MGMT: variants seen among roughly 807,000 people sequenced by gnomAD.
MGMT encodes the protein O-6-methylguanine-DNA methyltransferase, also known as methylated-DNA--protein-cysteine methyltransferase.
Under a neutral mutation model 15.9 loss-of-function variants are expected in MGMT, and 14 were observed. The ratio of observed to expected loss-of-function variants is 0.88; its 90% CI spans 0.58 to 1.37. MGMT has a LOEUF of 1.37. MGMT is among the 40% of genes most tolerant of loss of function. The probability of loss-of-function intolerance (pLI) is 0.00; values close to 1 mark genes in which losing one functional copy is unlikely to be tolerated. For missense variants in MGMT, 282 were observed against 268.1 expected (o/e 1.05, Z -0.36); for synonymous variants, 130 against 118.2 (o/e 1.10, Z -0.65).
intron 1 of MGMT, among the ~76,000 whole-genome samples, chr10:129,488,040 C>CACACACACACACACACACAT (rs1196132625): frequency 6.7e-6 from 1 of 148,486 alleles, no homozygotes; most frequent in Non-Finnish European, 1.5e-5. Context: ...CACACACACA[C>CACACACACACACACACACAT]ATGAATATAC....
At chr10:129,493,867 C>T (rs1466642839) in intron 1 of MGMT, among the ~76,000 whole-genome samples, 3 of 152,214 alleles carry the variant, frequency 2.0e-5, no homozygotes, top group Non-Finnish European at 2.9e-5. Context: ...TTGTCTTATA[C>T]GCATAGACAT....
At chr10:129,708,616 A>G (rs559506302) in intron 3 of MGMT, among the ~76,000 whole-genome samples, 66 of 152,328 alleles carry the variant, frequency 4.3e-4, no homozygotes, top group African/African-American at 1.3e-3. Flanking sequence ...CATTTCCCAG[A>G]CATTTCTTTT....
At chr10:129,507,540 C>A (rs771613246) in intron 1 of MGMT, among the ~76,000 whole-genome samples, 2 of 152,118 alleles carry the variant, frequency 1.3e-5, no homozygotes, top group African/African-American at 4.8e-5. Flanking sequence ...GAATTGGGGA[C>A]AGGGGTGCCC....
chr10:129,640,789 T>C (rs1174001351), intron 2 of MGMT, among the ~76,000 whole-genome samples: 1 of 152,226 alleles, frequency 6.6e-6, no homozygotes, highest in East Asian at 1.9e-4. Context: ...GTTTATCTTA[T>C]GAATGTAAGA....
chr10:129,635,938 G>A (rs1847260161), intron 2 of MGMT, among the ~76,000 whole-genome samples: 1 of 152,172 alleles, frequency 6.6e-6, no homozygotes, highest in Admixed American at 6.5e-5. Flanking sequence ...ATCAAGAGTG[G>A]ATGTGTGTTC....
intron 2 of MGMT, among the ~76,000 whole-genome samples, chr10:129,631,018 A>G (rs1188045872): frequency 1.3e-5 from 2 of 152,248 alleles, no homozygotes; most frequent in Non-Finnish European, 2.9e-5. Context: ...CGAAATCCCA[A>G]ATCTCATCGG....
chr10:129,512,506 T>A (rs1845694950), intron 1 of MGMT, among the ~76,000 whole-genome samples: 1 of 152,172 alleles, frequency 6.6e-6, no homozygotes, highest in Non-Finnish European at 1.5e-5. Context: ...TTCTCATGCC[T>A]TTGAGCTTCG....
intron 2 of MGMT, among the ~76,000 whole-genome samples, chr10:129,652,578 C>T (rs978309791): frequency 1.1e-4 from 17 of 152,248 alleles, no homozygotes; most frequent in Non-Finnish European, 2.2e-4. Context: ...AAGAAAGCAT[C>T]GGCACTCAGA....
rs764371384 is a variant in MGMT, at chr10:129,766,970, G to A, written c.597G>A (p.Ser199=). The A allele has an allele frequency of 1.2e-5, 19 of 1,606,940 alleles. No homozygotes were observed. Among genetic ancestry groups the A allele is most frequent in the South Asian group, 2.2e-5 (2 of 90,374 alleles). ...GAWLKGAGAT[S]GSPPAGRN ...GGCTCAAGGGAGCGGGAGCTACCTCGGGCTCCCCGCCTGCTGGCCGAAACT... is the reference window on the plus strand; with the variant it reads ...GGCTCAAGGGAGCGGGAGCTACCTCAGGCTCCCCGCCTGCTGGCCGAAACT... Residue 199 remains serine, a synonymous_variant, in exon 5 of 5, where the codon TCG becomes TCA. Transcript: ENST00000651593.
chr10:129,482,619 G>A (rs1845370330), intron 1 of MGMT, among the ~76,000 whole-genome samples: 1 of 152,036 alleles, frequency 6.6e-6, no homozygotes, highest in South Asian at 2.1e-4. Context: ...ACATCCTCAT[G>A]GGGAATTAAC....
chr10:129,669,464 T>C (rs1452421847), intron 2 of MGMT, among the ~76,000 whole-genome samples: 1 of 152,226 alleles, frequency 6.6e-6, no homozygotes, highest in African/African-American at 2.4e-5. Context: ...GTTTCCTATA[T>C]GAGATCAACC....
At chr10:129,715,956 G>A (rs574785388) in intron 3 of MGMT, among the ~76,000 whole-genome samples, 2 of 152,240 alleles carry the variant, frequency 1.3e-5, no homozygotes, top group Admixed American at 1.3e-4. Flanking sequence ...TTACGTAGAG[G>A]GAACTCCTCC....
At chr10:129,570,447 C>T (rs1043065917) in intron 2 of MGMT, among the ~76,000 whole-genome samples, 1 of 152,252 alleles carries the variant, frequency 6.6e-6, no homozygotes, top group Admixed American at 6.5e-5. Flanking sequence ...CCACGTGTCA[C>T]GAGGCACATC....
chr10:129,499,625 T>C (rs1278778260), intron 1 of MGMT, among the ~76,000 whole-genome samples: 1 of 152,260 alleles, frequency 6.6e-6, no homozygotes. Flanking sequence ...ATTCTCTTTG[T>C]TGTAAACAGA....
chr10:129,584,206 G>A (rs977364837), intron 2 of MGMT, among the ~76,000 whole-genome samples: 1 of 152,132 alleles, frequency 6.6e-6, no homozygotes, highest in African/African-American at 2.4e-5. Flanking sequence ...ATTCTTGCAG[G>A]GAAACAGACA....
intron 2 of MGMT, among the ~76,000 whole-genome samples, chr10:129,679,280 A>T (rs1847820491): frequency 6.6e-6 from 1 of 152,128 alleles, no homozygotes; most frequent in South Asian, 2.1e-4. Context: ...GAACAAAGTG[A>T]TTGGGGAAAC....
intron 3 of MGMT, among the ~76,000 whole-genome samples, chr10:129,756,583 C>T (rs996211284): frequency 1.3e-5 from 2 of 152,188 alleles, no homozygotes; most frequent in Admixed American, 1.3e-4. Flanking sequence ...GATTCTTCTG[C>T]CTCACCCTCC....
At chr10:129,597,763 C>G (rs1270214012) in intron 2 of MGMT, among the ~76,000 whole-genome samples, 1 of 152,140 alleles carries the variant, frequency 6.6e-6, no homozygotes, top group Non-Finnish European at 1.5e-5. Context: ...GAGTAGAGAC[C>G]TCACAGGCCT....
At chr10:129,481,176 G>A (rs1350281964) in intron 1 of MGMT, among the ~76,000 whole-genome samples, 3 of 152,238 alleles carry the variant, frequency 2.0e-5, no homozygotes, top group African/African-American at 7.2e-5. Flanking sequence ...TCACCGTGCG[G>A]TGTGTGGTCA....
Sources: gnomAD v4.1 joint callset for allele counts (sites outside exome capture counted in the v4.1 genomes callset) on GRCh38, gnomAD v4.1.1 for gene constraint, MANE v1.5 for transcripts, NCBI Gene and HGNC (gene_info 2026-07-23, HGNC 2026-07-21) for gene names.